The following SHMT1 variants were observed in gnomAD, a reference collection of about 807,000 sequenced individuals.
SHMT1 encodes serine hydroxymethyltransferase 1, also known as serine hydroxymethyltransferase, cytosolic.
Under a neutral mutation model 49.0 loss-of-function variants are expected in SHMT1, and 45 were observed. The ratio of observed to expected loss-of-function variants is 0.92; its 90% confidence interval spans 0.72 to 1.18. The LOEUF (loss-of-function observed/expected upper bound fraction) is 1.18, where lower values mean the gene tolerates loss of function less well. Among genes scored for constraint, SHMT1 ranks in the 50% most tolerant of loss-of-function variants. The pLI is 0.00. For synonymous variants in SHMT1, 232 were observed against 246.6 expected, an observed-to-expected ratio of 0.94 and a Z score of 0.55; for missense variants, 541 against 612.4, an observed-to-expected ratio of 0.88 and a Z score of 1.23.
At chr17:18,329,690 CAG>C (rs1165044856) in intron 10 of SHMT1, among the ~76,000 whole-genome samples, 1 of 152,150 alleles carries the variant, frequency 6.6e-6, no homozygotes, top group African/African-American at 2.4e-5. Flanking sequence ...TAACAACCCA[CAG>C]AGAAATGCAG....
At chr17:18,350,095 G>A (rs369785881) in intron 3 of SHMT1, among the ~76,000 whole-genome samples, 52 of 152,202 alleles carry the variant, frequency 3.4e-4, no homozygotes, top group Admixed American at 8.5e-4. Flanking sequence ...TTCGGAGGCC[G>A]AGGCGGGCGG....
chr17:18,347,601 G>C lies in SHMT1; in HGVS notation c.414C>G (p.Ile138Met). The C allele has an allele frequency of 1.2e-6, 2 of 1,614,240 alleles. No homozygotes were observed. Among genetic ancestry groups the C allele is most frequent in the Non-Finnish European group, 8.5e-7 (1 of 1,180,052 alleles). The change falls in exon 5 of 12, where the codon ATC (isoleucine) becomes ATG (methionine). Residue 138 changes from isoleucine to methionine, a missense_variant. Coordinates refer to ENST00000316694, the MANE Select transcript of SHMT1 (RefSeq NM_004169.5). ...YTALVEPHGR[I>M]MGLDLPDGGH... ...CCCCATCCGGAAGGTCCAGGCCCAT[G>C]ATGCGCCCATGGGGTTCCACCAGGG...
At chr17:18,352,528 A>G (rs954297859) in intron 3 of SHMT1, among the ~76,000 whole-genome samples, 3 of 152,114 alleles carry the variant, frequency 2.0e-5, no homozygotes, top group Non-Finnish European at 4.4e-5. Context: ...TTTTGAAAAC[A>G]CCTGGTGTGG....
chr17:18,336,005 G>A (rs1051040542), intron 7 of SHMT1, among the ~76,000 whole-genome samples: 1 of 152,202 alleles, frequency 6.6e-6, no homozygotes, highest in African/African-American at 2.4e-5. Context: ...CAGGCTGGAC[G>A]CGGTGGCTCA....
At chr17:18,332,845 G>A (rs900063063) in intron 9 of SHMT1, 5 of 403,804 alleles carry the variant, frequency 1.2e-5, no homozygotes, top group South Asian at 9.9e-5. Context: ...CCTACCAGGT[G>A]TGTGACCACT....
At chr17:18,356,210 T>C (rs2151605218) in intron 1 of SHMT1, among the ~76,000 whole-genome samples, 1 of 151,338 alleles carries the variant, frequency 6.6e-6, no homozygotes, top group East Asian at 2.0e-4. Context: ...GCCCGGCTAA[T>C]TTTTTGTATT....
intron 3 of SHMT1, among the ~76,000 whole-genome samples, chr17:18,349,134 C>T (rs1465340936): frequency 2.0e-5 from 3 of 151,926 alleles, no homozygotes; most frequent in African/African-American, 4.8e-5. Flanking sequence ...AGTAGTCAAG[C>T]TTAGGCTGGG....
Position 18,330,623 on chromosome 17 carries a change from G to A in SHMT1, c.1103C>T (p.Thr368Ile). ...LILVDLRSKG[T>I]DGGRAEKVLE... Reference sequence around the variant, plus strand: ...CACCTTCTCAGCCCTTCCACCATCTGTGCCTTTGGAACGGAGATCCACAAG... The same window carrying A: ...CACCTTCTCAGCCCTTCCACCATCTATGCCTTTGGAACGGAGATCCACAAG... Residue 368 changes from threonine to isoleucine, a missense_variant, in exon 10 of 12, where the codon ACA becomes ATA. Transcript: ENST00000316694. 6.2e-7 allele frequency: 1 copy of A among 1,614,112 alleles called. No homozygotes were observed. The highest frequency in any genetic ancestry group is 1.1e-5 in the South Asian group (1 of 91,082).
At chr17:18,334,025 G>T (rs139376285) in intron 8 of SHMT1, among the ~76,000 whole-genome samples, 3 of 151,968 alleles carry the variant, frequency 2.0e-5, no homozygotes, top group African/African-American at 7.2e-5. Flanking sequence ...TGCAACCTCC[G>T]CCTCCCGGGT....
intron 9 of SHMT1, 33 bp from the exon 10 acceptor site, chr17:18,330,704 G>A (rs1983113619): frequency 1.4e-6 from 2 of 1,456,676 alleles, no homozygotes; most frequent in Non-Finnish European, 1.9e-6. Flanking sequence ...AGAAATGCAG[G>A]CGAATTCTAT....
chr17:18,358,006 G>A (rs547610313), intron 1 of SHMT1, among the ~76,000 whole-genome samples: 1 of 150,716 alleles, frequency 6.6e-6, no homozygotes, highest in East Asian at 2.0e-4. Context: ...CAGGAACACA[G>A]GCACCCACCA....
intron 1 of SHMT1, among the ~76,000 whole-genome samples, chr17:18,358,728 C>A (rs1986482709): frequency 1.3e-5 from 2 of 151,184 alleles, no homozygotes. Flanking sequence ...ATGGCAAAGC[C>A]CCATTTCTAC....
intron 7 of SHMT1, among the ~76,000 whole-genome samples, chr17:18,337,989 G>A (rs1235316221): frequency 7.3e-5 from 11 of 150,252 alleles, no homozygotes; most frequent in Admixed American, 2.7e-4. Flanking sequence ...CTGCCTGGCC[G>A]CCACCCCGTC....
chr17:18,342,598 G>C (rs182137474), intron 5 of SHMT1, among the ~76,000 whole-genome samples: 1 of 152,044 alleles, frequency 6.6e-6, no homozygotes, highest in Non-Finnish European at 1.5e-5. Context: ...ATAGGTGTGA[G>C]CCACCGCACC....
chr17:18,333,123 C>G, intron 9 of SHMT1, 43 bp downstream of exon 9: 1 of 1,612,264 alleles, frequency 6.2e-7, no homozygotes, highest in Non-Finnish European at 8.5e-7. Context: ...AGCCTTAATA[C>G]AACCACAAGA....
intron 7 of SHMT1, among the ~76,000 whole-genome samples, chr17:18,339,565 CTT>C (rs796296886): frequency 6.9e-6 from 1 of 145,834 alleles, no homozygotes. Flanking sequence ...TTCTTTCTTT[CTT>C]TTTTTTTTTT....
intron 8 of SHMT1, among the ~76,000 whole-genome samples, chr17:18,334,375 C>T (rs1254894480): frequency 6.6e-6 from 1 of 152,214 alleles, no homozygotes; most frequent in Non-Finnish European, 1.5e-5. Flanking sequence ...AGGCATGAGC[C>T]ACCGCGCCCA....
chr17:18,347,170 T>C (rs1376516166), intron 5 of SHMT1, among the ~76,000 whole-genome samples: 1 of 152,208 alleles, frequency 6.6e-6, no homozygotes, highest in Admixed American at 6.5e-5. Context: ...TGGCTGTTGC[T>C]GGGGTCCAAC....
Position 18,333,167 on chromosome 17 carries a change from T to C in SHMT1, c.1053A>G (p.Thr351=), listed in dbSNP as rs776420563. 4 of 1,614,018 alleles carry C rather than the reference T, an allele frequency of 2.5e-6. No individual in the cohort carries two copies. The Admixed American group carries it at 5.0e-5, about 20-fold the overall frequency. ...GCTGAACACCATCTGTGTCTCTACC[T>C]GTGACTATTTTGTAGCCCAGCTCCG... ...ALTELGYKIV[T]GGSDNHLILV... Residue 351 remains threonine (T), a splice_region_variant and synonymous_variant, in exon 9 of 12, where the codon ACA becomes ACG. Transcript: ENST00000316694.
Sources: gnomAD v4.1 joint callset for allele counts (sites outside exome capture counted in the v4.1 genomes callset) on GRCh38, gnomAD v4.1.1 for gene constraint, MANE v1.5 for transcripts, NCBI Gene and HGNC (gene_info 2026-07-23, HGNC 2026-07-21) for gene names.